The following RPH3AL variants were observed in gnomAD, a reference collection of about 807,000 sequenced individuals.
The protein encoded by RPH3AL is rab effector Noc2.
Under a neutral mutation model 43.1 loss-of-function variants are expected in RPH3AL, and 38 were observed. The ratio of observed to expected loss-of-function variants is 0.88; its 90% CI spans 0.68 to 1.15. The LOEUF (loss-of-function observed/expected upper bound fraction) is 1.15, where lower values mean the gene tolerates loss of function less well. Ranked by LOEUF, RPH3AL falls within the 50% of genes most tolerant of loss-of-function variation. The probability of loss-of-function intolerance (pLI) is 0.00; values close to 1 mark genes in which losing one functional copy is unlikely to be tolerated. For missense variants in RPH3AL, 462 were observed against 423.2 expected (o/e 1.09, Z -0.81); for synonymous variants, 189 against 176.3 (o/e 1.07, Z -0.57).
rs138547063 is a variant in RPH3AL, at chr17:323,776, G to A, written c.78-2361C>T. Among the ~76,000 whole-genome samples, 115 of 152,228 alleles carry A rather than the reference G, an allele frequency of 7.6e-4. No homozygotes were observed. The Middle Eastern group carries it at 0.014, about 18-fold the overall frequency. ...CAGGACACTACAGATGTCTTCCATC[G>A]GACCCTCACAGTCACCCCGAGGCAG... On this transcript the variant is annotated intron_variant, in intron 3 of 9. Coordinates refer to ENST00000331302, the MANE Select transcript of RPH3AL (RefSeq NM_006987.4). This position sits in a 1 kb window ranked among gnomAD's most constrained non-coding sequence, Gnocchi z 4.4.
At chr17:278,124 G>A (rs1257360098) in intron 6 of RPH3AL, among the ~76,000 whole-genome samples, 1 of 152,048 alleles carries the variant, frequency 6.6e-6, no homozygotes, top group Non-Finnish European at 1.5e-5. Context: ...AAGTGTTGTG[G>A]GAGGGACCCA....
intron 5 of RPH3AL, among the ~76,000 whole-genome samples, chr17:296,120 T>G (rs1417183665): frequency 9.6e-6 from 1 of 104,032 alleles, no homozygotes; most frequent in East Asian, 3.8e-4. Context: ...CAGAAATGGA[T>G]GGACAGAGGG....
chr17:286,825 G>A (rs1188369750), intron 5 of RPH3AL, among the ~76,000 whole-genome samples: 1 of 152,134 alleles, frequency 6.6e-6, no homozygotes, highest in African/African-American at 2.4e-5. Context: ...CTGCAGCCTG[G>A]AACTGCGTCC....
At chr17:247,373 C>T (rs910634634) in intron 6 of RPH3AL, 88 bp from the exon 7 acceptor site, 40 of 1,356,286 alleles carry the variant, frequency 2.9e-5, no homozygotes, top group African/African-American at 1.2e-4. Context: ...AGGCAGGACG[C>T]GGAGAGCTAG....
rs771271703 is a variant in RPH3AL at position 219,719 on chromosome 17, C to T, written c.631G>A (p.Asp211Asn). ...GAGGAGCTAAGATCCGAGTCACTGT[C>T]ACTGTCACTGGAAACCACTGGAAGA... Reference protein sequence around the residue: ...ARGRVVSSDSDSDSDLSSSSL... With the variant: ...ARGRVVSSDSNSDSDLSSSSL... Residue 211 changes from aspartate (D) to asparagine (N), a missense_variant, in exon 8 of 10, where the codon GAC (aspartate) becomes AAC (asparagine). Transcript: ENST00000331302. 1.2e-6 allele frequency: 2 copies of T among 1,613,366 alleles called. No individual in the cohort carries two copies.
chr17:252,317 C>A (rs1555542861), intron 6 of RPH3AL, among the ~76,000 whole-genome samples: 1 of 152,062 alleles, frequency 6.6e-6, no homozygotes, highest in African/African-American at 2.4e-5. Context: ...ACCTAGCATA[C>A]AAAATTAGCA....
intron 7 of RPH3AL, among the ~76,000 whole-genome samples, chr17:227,323 A>G (rs1234704013): frequency 6.7e-6 from 1 of 148,446 alleles, no homozygotes; most frequent in African/African-American, 2.4e-5. Flanking sequence ...GTTTTGGTAC[A>G]CGGAGCGGGG....
rs1327769765 is a variant in RPH3AL, at chr17:323,097, G to T, written c.78-1682C>A. ...TAATTATCATGGGGAGGGCTGTCAG[G>T]CATGGCTTTACCATGTGTGAGCTTT... On this transcript the variant is annotated intron_variant, in intron 3 of 9. Transcript: ENST00000331302. The surrounding 1 kb of genome is among the most constrained non-coding windows in gnomAD (Gnocchi z 4.4). 2.0e-5 allele frequency among the ~76,000 whole-genome samples: 3 copies of T among 152,126 alleles called. No individual in the cohort carries two copies. Among genetic ancestry groups the T allele is most frequent in the Non-Finnish European group, 4.4e-5 (3 of 68,036 alleles).
At chr17:326,866 A>T (rs1425305583) in intron 3 of RPH3AL, among the ~76,000 whole-genome samples, 1 of 152,222 alleles carries the variant, frequency 6.6e-6, no homozygotes, top group African/African-American at 2.4e-5. Context: ...ACAAGAAAAA[A>T]GAAAGCCAGG....
chr17:233,124 AT>A lies in RPH3AL; in HGVS notation c.614-13389del, dbSNP rs1345302734. ...GTCTGACGGGATTTCGTTTGACAGC[AT>A]GTGCCTGTCTGTGTGGCACGTGTGC... is the stretch of plus-strand genomic sequence containing the variant. On this transcript the variant is annotated intron_variant, in intron 7 of 9. Transcript: ENST00000331302. 2.0e-5 allele frequency among the ~76,000 whole-genome samples: 3 copies of A among 150,880 alleles called. No individual in the cohort carries two copies. In the East Asian group the frequency reaches 6.0e-4, roughly 30 times the overall value.
intron 5 of RPH3AL, 137 bp from the exon 6 acceptor site, chr17:281,991 A>G (rs1252768508): frequency 1.5e-6 from 1 of 677,872 alleles, no homozygotes; most frequent in Non-Finnish European, 2.7e-6. Context: ...GGAATCAATC[A>G]CCCCAGAGGC....
chr17:314,670 T>C (rs78656734), intron 5 of RPH3AL, among the ~76,000 whole-genome samples: 12 of 106,618 alleles, frequency 1.1e-4, no homozygotes, highest in Admixed American at 9.2e-4. Context: ...CATTGACCTG[T>C]AGTCTCTGTG....
chr17:219,904 A>G (rs1385038903), intron 7 of RPH3AL, among the ~76,000 whole-genome samples, 168 bp from the exon 8 acceptor site: 1 of 152,152 alleles, frequency 6.6e-6, no homozygotes, highest in Non-Finnish European at 1.5e-5. Context: ...ATGGGAGGAC[A>G]CACATTTCTG....
intron 5 of RPH3AL, among the ~76,000 whole-genome samples, chr17:316,638 C>T (rs545220817): frequency 1.4e-5 from 2 of 147,436 alleles, no homozygotes; most frequent in East Asian, 4.1e-4. Context: ...ACTCCACCTC[C>T]ATTGACCTGC....
At chr17:251,194 G>T (rs1207523759) in intron 6 of RPH3AL, among the ~76,000 whole-genome samples, 1 of 152,194 alleles carries the variant, frequency 6.6e-6, no homozygotes, top group Non-Finnish European at 1.5e-5. Flanking sequence ...TGTCGTTCTT[G>T]AACGGCCTGG....
rs1555537523 is a variant in RPH3AL, at chr17:242,587, G to GATT, written c.613+4523_613+4524insAAT. On this transcript the variant is annotated intron_variant, in intron 7 of 9. Transcript: ENST00000331302. ...CCTCTATTGACTACCTTCCTCTATT[G>GATT]ACTACCTTCCTCTATTGATTACCCT... Among the ~76,000 whole-genome samples the GATT allele has an allele frequency of 1.4e-3, 182 of 127,180 alleles. 7 individuals carry two copies. The highest frequency in any genetic ancestry group is 2.7e-3 in the African/African-American group (87 of 32,210). The allele number at this position is 127,180 out of a possible 152,430, so 83.4% of individuals were successfully genotyped here. A position where few individuals can be genotyped will look rare whatever the true frequency, so the allele number is the denominator to read the frequency against.
At chr17:310,448 T>G (rs1468549348) in intron 5 of RPH3AL, among the ~76,000 whole-genome samples, 1 of 152,130 alleles carries the variant, frequency 6.6e-6, no homozygotes, top group East Asian at 1.9e-4. Flanking sequence ...TGGGCCTGGA[T>G]GCTTCCCACG....
intron 6 of RPH3AL, among the ~76,000 whole-genome samples, chr17:258,797 G>T (rs1466508888): frequency 5.7e-5 from 7 of 123,116 alleles, no homozygotes; most frequent in Admixed American, 3.0e-4. Flanking sequence ...GTCTCACTCT[G>T]TTGCCCAGGC....
chr17:291,680 T>C (rs759950810), intron 5 of RPH3AL, among the ~76,000 whole-genome samples: 8 of 152,120 alleles, frequency 5.3e-5, no homozygotes, highest in Non-Finnish European at 7.3e-5. Flanking sequence ...AAAATCTTAC[T>C]AGGTTTAGGG....
Sources: gnomAD v4.1 joint callset for allele counts (sites outside exome capture counted in the v4.1 genomes callset) on GRCh38, gnomAD v4.1.1 for gene constraint, Gnocchi (gnomAD v3.1) non-coding constraint, MANE v1.5 for transcripts, NCBI Gene and HGNC (gene_info 2026-07-23, HGNC 2026-07-21) for gene names.